The following PKN2 variants were observed in gnomAD, a reference collection of about 807,000 sequenced individuals.
The protein encoded by PKN2 is protein kinase N2.
In PKN2, 38 loss-of-function variants were observed where a neutral mutation model predicts 119.1. The observed-to-expected ratio is 0.32, with a 90% CI of 0.25 to 0.42. PKN2 has a LOEUF of 0.42. Among genes scored for constraint, PKN2 ranks in the 10% least tolerant of loss-of-function variants. PKN2 has a pLI of 1.00. For missense variants in PKN2, 850 were observed against 1,165.1 expected (o/e 0.73, Z 3.94); for synonymous variants, 390 against 384.9 (o/e 1.01, Z -0.15).
intron 3 of PKN2, among the ~76,000 whole-genome samples, chr1:88,768,934 A>C (rs929587562): frequency 6.6e-6 from 1 of 152,216 alleles, no homozygotes; most frequent in Non-Finnish European, 1.5e-5. Context: ...CCAGCTTGTC[A>C]TCTGGTGAGA....
intron 6 of PKN2, among the ~76,000 whole-genome samples, chr1:88,776,407 A>G (rs973755728): frequency 6.6e-6 from 1 of 151,424 alleles, no homozygotes; most frequent in Non-Finnish European, 1.5e-5. Context: ...GTATATATAT[A>G]GAATTCTTGG....
chr1:88,766,638 A>G (rs976248482), intron 3 of PKN2, among the ~76,000 whole-genome samples: 1 of 152,166 alleles, frequency 6.6e-6, no homozygotes, highest in African/African-American at 2.4e-5. Flanking sequence ...TGGCATTTTC[A>G]TGTAGTTCTA....
Position 88,804,439 on chromosome 1 carries a change from T to G in PKN2, c.1330T>G (p.Cys444Gly). Residue 444 changes from cysteine to glycine, a missense_variant, in exon 9 of 22, where the codon TGT (cysteine) becomes GGT (glycine). Cys to Gly is a radical substitution (Grantham distance 159, BLOSUM62 -3). Coordinates refer to ENST00000370521, the MANE Select transcript of PKN2 (RefSeq NM_006256.4). ...SVYWRDWRSLCAVKFLRLEDF... is the reference protein window; with the variant it reads ...SVYWRDWRSLGAVKFLRLEDF... ...TTATTGGCGTGATTGGCGGTCTCTG[T>G]GTGCTGTAAAATTTCTGAGGTTAGA... is the stretch of plus-strand genomic sequence containing the variant. 6.2e-7 allele frequency: 1 copy of G among 1,613,716 alleles called. No individual in the cohort carries two copies. The highest frequency in any genetic ancestry group is 8.5e-7 in the Non-Finnish European group (1 of 1,179,732).
At chr1:88,726,712 A>G (rs968467631) in intron 1 of PKN2, among the ~76,000 whole-genome samples, 1 of 151,994 alleles carries the variant, frequency 6.6e-6, no homozygotes. Context: ...AGAATATTGT[A>G]TAATATAGGA....
At chr1:88,752,160 T>C (rs1480666118) in intron 2 of PKN2, among the ~76,000 whole-genome samples, 1 of 152,184 alleles carries the variant, frequency 6.6e-6, no homozygotes, top group South Asian at 2.1e-4. Context: ...TTGGGAACTT[T>C]AGATGCATAT....
chr1:88,758,647 C>T (rs1170939377), intron 2 of PKN2, among the ~76,000 whole-genome samples: 5 of 152,090 alleles, frequency 3.3e-5, no homozygotes, highest in Non-Finnish European at 7.4e-5. Flanking sequence ...TTTTGTGTTC[C>T]TGCATTAGTT....
At chr1:88,776,046 G>T (rs1489439159) in intron 6 of PKN2, among the ~76,000 whole-genome samples, 4 of 151,314 alleles carry the variant, frequency 2.6e-5, no homozygotes, top group South Asian at 2.1e-4. Context: ...AGGCGGAGCT[G>T]GCAGCGAGCC....
chr1:88,800,072 C>T (rs1189006559), intron 8 of PKN2, among the ~76,000 whole-genome samples: 4 of 152,036 alleles, frequency 2.6e-5, no homozygotes, highest in African/African-American at 7.2e-5. Flanking sequence ...TTCTTTTTGG[C>T]GGTGGAGCCT....
intron 1 of PKN2, among the ~76,000 whole-genome samples, chr1:88,733,708 T>C (rs1668233293): frequency 6.6e-6 from 1 of 152,202 alleles, no homozygotes; most frequent in Non-Finnish European, 1.5e-5. Context: ...TCTATACAGG[T>C]TAAATATCCT....
intron 18 of PKN2, among the ~76,000 whole-genome samples, chr1:88,827,715 G>A (rs1341609716): frequency 7.7e-6 from 1 of 129,928 alleles, no homozygotes. Context: ...ATATATATAT[G>A]TTTTTTGTTT....
At chr1:88,801,243 T>TGG in intron 8 of PKN2, among the ~76,000 whole-genome samples, 1 of 151,924 alleles carries the variant, frequency 6.6e-6, no homozygotes, top group Non-Finnish European at 1.5e-5. Flanking sequence ...AAATTAGCCA[T>TGG]GTGTGGTGGT....
At chr1:88,799,719 TC>T (rs1209291494) in intron 8 of PKN2, among the ~76,000 whole-genome samples, 1 of 152,222 alleles carries the variant, frequency 6.6e-6, no homozygotes, top group African/African-American at 2.4e-5. Context: ...TGATTTAAGT[TC>T]CTCTTGCCCC....
intron 6 of PKN2, among the ~76,000 whole-genome samples, chr1:88,777,071 C>CT (rs925532766): frequency 1.6e-4 from 24 of 152,078 alleles, no homozygotes; most frequent in African/African-American, 5.8e-4. Context: ...TGGTATTTCT[C>CT]TTAGACTCTG....
intron 4 of PKN2, among the ~76,000 whole-genome samples, chr1:88,771,070 TG>T (rs1323976288): frequency 1.3e-5 from 2 of 152,076 alleles, no homozygotes; most frequent in Non-Finnish European, 2.9e-5. Flanking sequence ...AGTATGGCTT[TG>T]TTTTCTTTTG....
intron 19 of PKN2, among the ~76,000 whole-genome samples, chr1:88,830,788 T>C (rs1410119966): frequency 6.6e-6 from 1 of 152,124 alleles, no homozygotes; most frequent in African/African-American, 2.4e-5. Flanking sequence ...CAGTTGTTTC[T>C]TGCAATTTCT....
chr1:88,748,643 A>T (rs1040119398), intron 2 of PKN2, among the ~76,000 whole-genome samples: 1 of 152,180 alleles, frequency 6.6e-6, no homozygotes, highest in Non-Finnish European at 1.5e-5. Context: ...GTTTAACATT[A>T]TAAGAAGATG....
intron 1 of PKN2, among the ~76,000 whole-genome samples, chr1:88,704,693 A>T (rs1473044682): frequency 6.7e-6 from 1 of 148,352 alleles, no homozygotes; most frequent in Admixed American, 6.8e-5. Flanking sequence ...AGGCAGGATG[A>T]TGAATTGAGC....
intron 1 of PKN2, among the ~76,000 whole-genome samples, chr1:88,714,867 T>G (rs970262910): frequency 2.0e-5 from 3 of 152,078 alleles, no homozygotes; most frequent in Non-Finnish European, 2.9e-5. Flanking sequence ...CAAAGGGAAT[T>G]CTTTCAGTTT....
chr1:88,803,294 A>C (rs17130611), intron 8 of PKN2, among the ~76,000 whole-genome samples: 1 of 152,036 alleles, frequency 6.6e-6, no homozygotes, highest in Non-Finnish European at 1.5e-5. Context: ...GTGTTCATTA[A>C]CATCAACTAG....
Sources: gnomAD v4.1 joint callset for allele counts (sites outside exome capture counted in the v4.1 genomes callset) on GRCh38, gnomAD v4.1.1 for gene constraint, MANE v1.5 for transcripts, NCBI Gene and HGNC (gene_info 2026-07-23, HGNC 2026-07-21) for gene names.